Variants in CCNY observed in about 807,000 individuals in gnomAD.
CCNY encodes cyclin Y, also known as cyclin-Y.
In CCNY, 19 loss-of-function variants were observed where a neutral mutation model predicts 42.8. That is an observed-to-expected ratio of 0.44 (90% CI 0.31 to 0.65). CCNY has a LOEUF of 0.65. CCNY is among the 30% of genes least tolerant of loss of function. The probability of loss-of-function intolerance (pLI) is 0.07; values close to 1 mark genes in which losing one functional copy is unlikely to be tolerated. For synonymous variants in CCNY, 165 were observed against 162.7 expected (o/e 1.01, Z -0.11); for missense variants, 370 against 437.3 (o/e 0.85, Z 1.37).
At chr10:35,283,546 G>A (rs182016356) in intron 3 of CCNY, among the ~76,000 whole-genome samples, 170 of 152,182 alleles carry the variant, frequency 1.1e-3, no homozygotes, top group Middle Eastern at 3.4e-3. Flanking sequence ...TGGGACCACA[G>A]GCACGTGCCA....
intron 1 of CCNY, among the ~76,000 whole-genome samples, chr10:35,369,158 CTG>C (rs1298513248): frequency 6.6e-6 from 1 of 152,192 alleles, no homozygotes; most frequent in Non-Finnish European, 1.5e-5. Context: ...TTGCAGTAGA[CTG>C]TGGACAGCAT....
chr10:35,487,302 G>T (rs1279708667), intron 2 of CCNY, among the ~76,000 whole-genome samples: 5 of 152,028 alleles, frequency 3.3e-5, no homozygotes, highest in Non-Finnish European at 7.4e-5. Flanking sequence ...CTTCATTCAG[G>T]TTAATATACT....
At chr10:35,524,205 A>G (rs1006978522) in intron 4 of CCNY, among the ~76,000 whole-genome samples, 3 of 152,190 alleles carry the variant, frequency 2.0e-5, no homozygotes, top group African/African-American at 7.2e-5. Context: ...TTTTTCTTGC[A>G]GGACTGTTAA....
chr10:35,381,991 C>G (rs1336018180), intron 1 of CCNY, among the ~76,000 whole-genome samples: 2 of 152,078 alleles, frequency 1.3e-5, no homozygotes, highest in Non-Finnish European at 1.5e-5. Flanking sequence ...AAGAACAAAT[C>G]AAGAAAATAA....
intron 1 of CCNY, among the ~76,000 whole-genome samples, chr10:35,364,523 A>G (rs1040131206): frequency 5.9e-5 from 9 of 152,244 alleles, no homozygotes; most frequent in Non-Finnish European, 1.3e-4. Context: ...GTGGGGGCAC[A>G]TATGCCAGTA....
chr10:35,525,825 G>T, intron 4 of CCNY, 139 bp from the exon 5 acceptor site: 1 of 564,856 alleles, frequency 1.8e-6, no homozygotes, highest in South Asian at 3.8e-5. Flanking sequence ...AATGAGCATT[G>T]TGAATGAGAT....
At chr10:35,552,904 G>A (rs1470077263) in intron 7 of CCNY, 115 bp from the exon 8 acceptor site, 2 of 1,054,698 alleles carry the variant, frequency 1.9e-6, no homozygotes, top group East Asian at 2.4e-5. Context: ...AATGTGATTG[G>A]GTAATAAATT....
At chr10:35,428,722 G>A (rs933752018) in intron 1 of CCNY, among the ~76,000 whole-genome samples, 1 of 152,108 alleles carries the variant, frequency 6.6e-6, no homozygotes, top group African/African-American at 2.4e-5. Flanking sequence ...GGTGGAAGAT[G>A]GTGGAAGTGA....
intron 3 of CCNY, among the ~76,000 whole-genome samples, chr10:35,293,275 ATC>A: frequency 6.6e-6 from 1 of 152,204 alleles, no homozygotes; most frequent in Non-Finnish European, 1.5e-5. Flanking sequence ...CTTGTCAAAA[ATC>A]AAGTCATCAT....
intron 1 of CCNY, among the ~76,000 whole-genome samples, chr10:35,472,476 A>G (rs1839409601): frequency 6.6e-6 from 1 of 152,084 alleles, no homozygotes; most frequent in Admixed American, 6.6e-5. Context: ...AGTACCTTAT[A>G]CCTTCAACTT....
At chr10:35,367,247 T>C (rs1042559918) in intron 1 of CCNY, among the ~76,000 whole-genome samples, 37 of 152,334 alleles carry the variant, frequency 2.4e-4, no homozygotes, top group African/African-American at 8.2e-4. Context: ...TTTATGACTT[T>C]ATACTACCTT....
chr10:35,527,284 C>G (rs999605256), intron 5 of CCNY, among the ~76,000 whole-genome samples: 3 of 152,112 alleles, frequency 2.0e-5, no homozygotes, highest in African/African-American at 7.2e-5. Flanking sequence ...TAGTTCAAAC[C>G]TTTTAAACTT....
intron 1 of CCNY, among the ~76,000 whole-genome samples, chr10:35,362,238 T>C (rs1836701976): frequency 6.6e-6 from 1 of 152,236 alleles, no homozygotes; most frequent in Non-Finnish European, 1.5e-5. Flanking sequence ...ACATACTATG[T>C]TGTACAGAAG....
chr10:35,318,031 C>A (rs912750645), intron 3 of CCNY, among the ~76,000 whole-genome samples: 8 of 151,966 alleles, frequency 5.3e-5, no homozygotes, highest in Admixed American at 2.0e-4. Context: ...AGTTCAAGAC[C>A]AGCCTGGGCA....
At chr10:35,488,326 T>A (rs1839827276) in intron 2 of CCNY, among the ~76,000 whole-genome samples, 1 of 152,242 alleles carries the variant, frequency 6.6e-6, no homozygotes, top group African/African-American at 2.4e-5. Context: ...GTGTTGAACT[T>A]TTGCGTGGTG....
chr10:35,251,394 A>G (rs1199019456), intron 3 of CCNY, among the ~76,000 whole-genome samples: 1 of 152,206 alleles, frequency 6.6e-6, no homozygotes, highest in African/African-American at 2.4e-5. Flanking sequence ...GGCAGCACAG[A>G]TGAGACAGAT....
chr10:35,432,001 G>T (rs1838423339), intron 1 of CCNY, among the ~76,000 whole-genome samples: 1 of 152,190 alleles, frequency 6.6e-6, no homozygotes, highest in Admixed American at 6.5e-5. Flanking sequence ...ATTTTCTCTT[G>T]TCAAGGAGTG....
intron 1 of CCNY, among the ~76,000 whole-genome samples, chr10:35,378,614 C>T (rs1837106730): frequency 6.6e-6 from 1 of 151,814 alleles, no homozygotes; most frequent in African/African-American, 2.4e-5. Context: ...AGTAGAAGAG[C>T]AGAGCTGAGT....
Position 35,566,198 on chromosome 10 carries a change from A to G in CCNY, c.909+13A>G. The G allele has an allele frequency of 6.2e-7, 1 of 1,610,400 alleles. No individual in the cohort carries two copies. Among genetic ancestry groups the G allele is most frequent in the Non-Finnish European group, 8.5e-7 (1 of 1,178,622 alleles). On this transcript the variant is annotated intron_variant, in intron 9 of 9. Transcript: ENST00000374704. ...TCACAAGCTTGAGGTAAGATGGTTT[A>G]AAACAGCGTTTTGTGGTGCAGTGTT...
Sources: allele counts gnomAD v4.1 joint callset (sites outside exome capture counted in the v4.1 genomes callset), GRCh38; gene constraint gnomAD v4.1.1; transcripts MANE v1.5; gene names NCBI Gene and HGNC (gene_info 2026-07-23, HGNC 2026-07-21).